The following SMCO1 variants were observed in gnomAD, a reference collection of about 807,000 sequenced individuals.
SMCO1 encodes the protein single-pass membrane protein with coiled-coil domains 1.
SMCO1 carries 9 observed loss-of-function variants against 7.5 expected under a neutral mutation model. That is an observed-to-expected ratio of 1.20 (90% CI 0.72 to 2.09). The LOEUF (loss-of-function observed/expected upper bound fraction) is 2.09. SMCO1 is among the 30% of genes most tolerant of loss of function. SMCO1 has a pLI of 0.00. For missense variants in SMCO1, 219 were observed against 253.1 expected (o/e 0.87, Z 0.91); for synonymous variants, 90 against 93.8 (o/e 0.96, Z 0.23).
Position 196,508,112 on chromosome 3 carries a change from A to G in SMCO1, c.420T>C (p.Cys140=), listed in dbSNP as rs775565400. ...TGTTACCACGTGCAATAAAGAAGGT[A>G]CAAAGTGCTGTGATGTCTCCTTCTT... ...GLQEGDITAL[C]TFFIARGNKA... The change falls in exon 3 of 3, where the codon TGT becomes TGC. Residue 140 remains cysteine (C), a synonymous_variant. Transcript: ENST00000397537. 1.2e-6 allele frequency: 2 copies of G among 1,614,164 alleles called. No individual in the cohort carries two copies. Among genetic ancestry groups the G allele is most frequent in the Non-Finnish European group, 1.7e-6 (2 of 1,180,008 alleles).
At chr3:196,514,594 T>A (rs764741561) in intron 1 of SMCO1, among the ~76,000 whole-genome samples, 3 of 152,240 alleles carry the variant, frequency 2.0e-5, no homozygotes, top group Non-Finnish European at 4.4e-5. Context: ...GTGAGCTCCT[T>A]GAGGGCAGAA....
In SMCO1 at chr3:196,514,747, C is replaced by T. The variant is rs558636500; in HGVS notation, c.50+413G>A. 3.3e-5 allele frequency among the ~76,000 whole-genome samples: 5 copies of T among 152,276 alleles called. No individual in the cohort carries two copies. In the East Asian group the frequency reaches 7.7e-4, roughly 23 times the overall value. ...AAGACTTAAACCACTGTAATAGAGACGGAATTCTTTTTTTGGACGGAGTCT... is the reference window on the plus strand; with the variant it reads ...AAGACTTAAACCACTGTAATAGAGATGGAATTCTTTTTTTGGACGGAGTCT... On this transcript the variant is annotated intron_variant, in intron 1 of 2. Transcript: ENST00000397537.
intron 1 of SMCO1, among the ~76,000 whole-genome samples, chr3:196,514,486 C>T (rs1431087824): frequency 6.6e-6 from 1 of 152,190 alleles, no homozygotes; most frequent in Admixed American, 6.5e-5. Context: ...GGTTGATCCT[C>T]CCTTCATGTT....
In SMCO1 at chr3:196,507,600, T is replaced by TTA. The variant is rs949885037; in HGVS notation, c.*285_*286dup. On this transcript the variant is annotated 3_prime_UTR_variant, in exon 3 of 3. Coordinates refer to ENST00000397537, the MANE Select transcript of SMCO1 (RefSeq NM_001077657.3). ...AAACTAATATGTGTTATATATATAT[T>TTA]TATATATATATATTTGTCACCTTTT... The TTA allele has an allele frequency of 8.4e-5, 13 of 155,522 alleles. No homozygotes were observed. Among genetic ancestry groups the TTA allele is most frequent in the African/African-American group, 1.5e-4 (6 of 41,226 alleles). 9.6% of individuals were successfully genotyped at this position (155,522 alleles called of 1,614,324 possible). A position where few individuals can be genotyped will look rare whatever the true frequency, so the allele number is the denominator to read the frequency against.
chr3:196,511,368 C>T (rs867582462), intron 1 of SMCO1, among the ~76,000 whole-genome samples: 4,042 of 124,070 alleles, frequency 0.033, 1 homozygote, highest in African/African-American at 0.14. Flanking sequence ...TGAGGGAAAC[C>T]TGCCTGGGCC....
intron 2 of SMCO1, 80 bp from the exon 3 acceptor site, chr3:196,508,411 T>C (rs532102641): frequency 8.2e-7 from 1 of 1,218,264 alleles, no homozygotes; most frequent in Admixed American, 2.6e-5. Flanking sequence ...TTAGGATAAC[T>C]CAATATGAAC....
At chr3:196,509,109 G>A (rs1733141823) in intron 2 of SMCO1, among the ~76,000 whole-genome samples, 1 of 150,912 alleles carries the variant, frequency 6.6e-6, no homozygotes, top group South Asian at 2.1e-4. Context: ...GAGTGCAGTG[G>A]TGAGATCTCG....
chr3:196,509,563 G>A lies in SMCO1; in HGVS notation c.157C>T (p.Gln53Ter). 6.2e-7 allele frequency: 1 copy of A among 1,613,954 alleles called. No homozygotes were observed. ...GTCCACATCTCATCTTGGGCTGCTT[G>A]GCTTGCCAAAGCCTTACTATGATGT... is the stretch of plus-strand genomic sequence containing the variant. ...FEHHSKALAS[Q>*]AAQDEMWTAV... is the part of the protein sequence containing the mutation. Residue 53 changes from glutamine to a stop codon, truncating the protein, a stop_gained, in exon 2 of 3, where the codon CAA (glutamine) becomes TAA (stop). Transcript: ENST00000397537. LOFTEE classifies it low-confidence loss of function (END_TRUNC).
intron 1 of SMCO1, 84 bp from the exon 2 acceptor site, chr3:196,509,753 T>C: frequency 1.7e-6 from 2 of 1,162,564 alleles, no homozygotes; most frequent in Non-Finnish European, 2.3e-6. Flanking sequence ...TAATACATTA[T>C]TTACAACCAT....
chr3:196,507,806 AC>A lies in SMCO1; in HGVS notation c.*80del. 2 of 758,530 alleles carry A rather than the reference AC, an allele frequency of 2.6e-6. No homozygotes were observed. Among genetic ancestry groups the A allele is most frequent in the Non-Finnish European group, 2.2e-6 (1 of 464,726 alleles). The allele number at this position is 758,530 out of a possible 1,614,324, so 47.0% of individuals were successfully genotyped here. On this transcript the variant is annotated 3_prime_UTR_variant, in exon 3 of 3. Transcript: ENST00000397537. Reference sequence around the variant, plus strand: ...TCTCACTCTTTGCTATAAAAATAAGACTATAATAAATTGTGCATACTTTTTG... The same window carrying A: ...TCTCACTCTTTGCTATAAAAATAAGATATAATAAATTGTGCATACTTTTTG...
In SMCO1 at chr3:196,508,118, T is replaced by C. The variant is rs1272952703; in HGVS notation, c.414A>G (p.Ala138=). The C allele has an allele frequency of 1.2e-6, 2 of 1,614,108 alleles. No individual in the cohort carries two copies. The highest frequency in any genetic ancestry group is 2.7e-5 in the African/African-American group (2 of 75,032). ...ECGLQEGDIT[A]LCTFFIARGN... is the part of the protein sequence containing the mutation. ...CACGTGCAATAAAGAAGGTACAAAG[T>C]GCTGTGATGTCTCCTTCTTGCAGCC... Residue 138 remains alanine (A), a synonymous_variant, in exon 3 of 3, where the codon GCA becomes GCG. Transcript: ENST00000397537.
rs745524127 is a variant in SMCO1 at position 196,509,574 on chromosome 3, G to A, written c.146C>T (p.Ala49Val). ...LMQKFEHHSK[A>V]LASQAAQDEM... ...ATCTTGGGCTGCTTGGCTTGCCAAA[G>A]CCTTACTATGATGTTCGAATTTCTG... Residue 49 changes from alanine (A) to valine (V), a missense_variant, in exon 2 of 3, where the codon GCT (alanine) becomes GTT (valine). Physicochemically the swap from Ala to Val is moderately conservative, Grantham distance 64. Coordinates refer to ENST00000397537, the MANE Select transcript of SMCO1 (RefSeq NM_001077657.3). The A allele has an allele frequency of 1.2e-6, 2 of 1,614,096 alleles. No individual in the cohort carries two copies. Among genetic ancestry groups the A allele is most frequent in the Middle Eastern group, 1.6e-4 (1 of 6,062 alleles).
In SMCO1 at chr3:196,515,145, A is replaced by G. The variant is rs1324411259; in HGVS notation, c.50+15T>C. 3.1e-6 allele frequency: 5 copies of G among 1,613,880 alleles called. No homozygotes were observed. The highest frequency in any genetic ancestry group is 1.6e-4 in the Middle Eastern group (1 of 6,062). On this transcript the variant is annotated intron_variant, in intron 1 of 2. Transcript: ENST00000397537. ...GCAGACCCATGCTTGCTCCCTCCCT[A>G]TAGCCCTCAGCAACCTTTTCATTGC...
chr3:196,516,016 T>G (rs564397029), upstream of SMCO1, among the ~76,000 whole-genome samples: 3 of 98,538 alleles, frequency 3.0e-5, no homozygotes, highest in Admixed American at 3.1e-4. Context: ...TATATATATA[T>G]ATATATATAT....
In SMCO1 at chr3:196,512,637, G is replaced by A. The variant is rs539163374; in HGVS notation, c.50+2523C>T. ...AGTGATTCTCCTGCCTCAGTCTCCC[G>A]AGTAGCTGGGATTACAGGCGCCACC... On this transcript the variant is annotated intron_variant, in intron 1 of 2. Coordinates refer to ENST00000397537, the MANE Select transcript of SMCO1 (RefSeq NM_001077657.3). 2.6e-4 allele frequency among the ~76,000 whole-genome samples: 39 copies of A among 148,036 alleles called. No homozygotes were observed. In the South Asian group the frequency reaches 3.4e-3, roughly 13 times the overall value.
At chr3:196,510,484 A>G (rs1174602263) in intron 1 of SMCO1, among the ~76,000 whole-genome samples, 1 of 152,090 alleles carries the variant, frequency 6.6e-6, no homozygotes, top group Non-Finnish European at 1.5e-5. Flanking sequence ...CTTTGCTCCT[A>G]TCTTCCGCCA....
intron 1 of SMCO1, among the ~76,000 whole-genome samples, chr3:196,514,152 T>C (rs1733322659): frequency 6.6e-6 from 1 of 152,190 alleles, no homozygotes; most frequent in African/African-American, 2.4e-5. Context: ...TGATTACAAA[T>C]GGTTTATGTC....
chr3:196,512,114 G>A (rs1276101467), intron 1 of SMCO1, among the ~76,000 whole-genome samples: 2 of 151,302 alleles, frequency 1.3e-5, no homozygotes, highest in Non-Finnish European at 2.9e-5. Context: ...AAACCTGCCT[G>A]AGCCACCTAG....
intron 1 of SMCO1, among the ~76,000 whole-genome samples, chr3:196,514,288 G>A (rs900407151): frequency 4.6e-5 from 7 of 152,074 alleles, no homozygotes; most frequent in South Asian, 2.1e-4. Flanking sequence ...CCAATTACAC[G>A]AGACATCTAG....
Sources: allele counts gnomAD v4.1 joint callset (sites outside exome capture counted in the v4.1 genomes callset), GRCh38; gene constraint gnomAD v4.1.1; transcripts MANE v1.5; gene names NCBI Gene and HGNC (gene_info 2026-07-23, HGNC 2026-07-21).